Variants in HIVEP3 observed in about 807,000 individuals in gnomAD.
HIVEP3 encodes the protein transcription factor HIVEP3.
In HIVEP3, 49 loss-of-function variants were observed where a neutral mutation model predicts 152.8. The observed-to-expected ratio is 0.32, with a 90% confidence interval of 0.26 to 0.41. The LOEUF (loss-of-function observed/expected upper bound fraction) is 0.41. Among genes scored for constraint, HIVEP3 ranks in the 10% least tolerant of loss-of-function variants. The pLI, the probability that HIVEP3 is intolerant of heterozygous loss-of-function variation, is 1.00. For synonymous variants in HIVEP3, 1,269 were observed against 1,289.0 expected (o/e 0.98, Z 0.33); for missense variants, 2,790 against 3,103.3 (o/e 0.90, Z 2.40).
intron 1 of HIVEP3, among the ~76,000 whole-genome samples, chr1:41,755,703 C>A (rs1647277545): frequency 6.6e-6 from 1 of 151,274 alleles, no homozygotes; most frequent in Non-Finnish European, 1.5e-5. Flanking sequence ...ATACAGATGG[C>A]AAATAAGCAC....
chr1:41,897,479 G>T (rs777757186), intron 1 of HIVEP3, among the ~76,000 whole-genome samples: 6 of 152,116 alleles, frequency 3.9e-5, no homozygotes, highest in Non-Finnish European at 7.4e-5. Context: ...CTGAGGACAC[G>T]TAGAAGGCAT....
chr1:41,889,067 CCACACACACCA>C (rs1489882061), intron 1 of HIVEP3, among the ~76,000 whole-genome samples: 1 of 148,848 alleles, frequency 6.7e-6, no homozygotes, highest in African/African-American at 2.5e-5. Flanking sequence ...AACACATACA[CCACACACACCA>C]CACATACGCC....
intron 5 of HIVEP3, among the ~76,000 whole-genome samples, chr1:41,557,698 C>T (rs1643989550): frequency 6.6e-6 from 1 of 152,122 alleles, no homozygotes; most frequent in African/African-American, 2.4e-5. Context: ...AGGGGCAGCC[C>T]CAGAGGGCTT....
At chr1:41,791,531 G>A (rs988498453) in intron 1 of HIVEP3, among the ~76,000 whole-genome samples, 1 of 152,170 alleles carries the variant, frequency 6.6e-6, no homozygotes, top group Non-Finnish European at 1.5e-5. Context: ...TGCTCCAGCA[G>A]CCATCTTAGA....
intron 1 of HIVEP3, among the ~76,000 whole-genome samples, chr1:41,711,939 G>C (rs1646520057): frequency 6.6e-6 from 1 of 152,238 alleles, no homozygotes; most frequent in Non-Finnish European, 1.5e-5. Flanking sequence ...ATGCATTGGG[G>C]TGGCAAACAG....
chr1:41,940,415 A>G, intron 1 of HIVEP3, among the ~76,000 whole-genome samples: 1 of 152,224 alleles, frequency 6.6e-6, no homozygotes, highest in Non-Finnish European at 1.5e-5. Flanking sequence ...TTTGAATTTC[A>G]GATTTTCAAG....
rs74993153 is a variant in HIVEP3, at chr1:41,712,527, C to T, written c.-800-11532G>A. ...GGGACACTGGGCACCTGTGGCTGGC[C>T]GATGGTTTAGGCAGATGGTCAGGGC... is the stretch of plus-strand genomic sequence containing the variant. On this transcript the variant is annotated intron_variant, in intron 1 of 8. Coordinates refer to ENST00000372583, the MANE Select transcript of HIVEP3 (RefSeq NM_024503.5). Among the ~76,000 whole-genome samples, 3,231 of 152,232 alleles carry T rather than the reference C, an allele frequency of 0.021. 171 individuals carry two copies. In the East Asian group the frequency reaches 0.22, roughly 10 times the overall value.
In HIVEP3 at chr1:41,517,636, C is replaced by T. The variant is rs921151831; in HGVS notation, c.5470+766G>A. Among the ~76,000 whole-genome samples, 4 of 152,150 alleles carry T rather than the reference C, an allele frequency of 2.6e-5. No individual in the cohort carries two copies. In the South Asian group the frequency reaches 6.2e-4, roughly 24 times the overall value. Reference sequence around the variant, plus strand: ...TGCTTCCTGCTTTGCTTGGTGCTGGCGAGATGGCTCCAGCCTCCTTCTGTT... The same window carrying T: ...TGCTTCCTGCTTTGCTTGGTGCTGGTGAGATGGCTCCAGCCTCCTTCTGTT... On this transcript the variant is annotated intron_variant, in intron 7 of 8. Coordinates refer to ENST00000372583, the MANE Select transcript of HIVEP3 (RefSeq NM_024503.5).
chr1:42,017,117 A>G (rs931814215), intron 1 of HIVEP3, among the ~76,000 whole-genome samples: 26 of 152,112 alleles, frequency 1.7e-4, no homozygotes, highest in African/African-American at 6.3e-4. Flanking sequence ...TATTTTCCTC[A>G]TGTTGATATT....
intron 2 of HIVEP3, among the ~76,000 whole-genome samples, chr1:41,650,165 G>A (rs1645525584): frequency 6.6e-6 from 1 of 152,148 alleles, no homozygotes; most frequent in Admixed American, 6.5e-5. Flanking sequence ...ACCCGGTTAA[G>A]GATGGCAGCT....
chr1:41,667,215 C>T (rs866262338), intron 2 of HIVEP3, among the ~76,000 whole-genome samples: 25 of 152,254 alleles, frequency 1.6e-4, no homozygotes, highest in African/African-American at 5.1e-4. Flanking sequence ...CTAGGAATGT[C>T]ACAGATATTC....
Position 41,584,814 on chromosome 1 carries a change from T to C in HIVEP3, c.-17A>G, listed in dbSNP as rs1335555487. On this transcript the variant is annotated 5_prime_UTR_variant, in exon 4 of 9. Transcript: ENST00000372583. The surrounding 1 kb of genome is among the most constrained non-coding windows in gnomAD (Gnocchi z 5.2). The stretch of plus-strand genomic sequence containing the variant: ...AGGATCCATGACCTTCACAAAGACT[T>C]CAGATGCTATTCAGGGAGAGTCAGG... The C allele has an allele frequency of 2.0e-6, 3 of 1,495,666 alleles. No homozygotes were observed. In the East Asian group the frequency reaches 6.9e-5, roughly 35 times the overall value. 92.6% of individuals were successfully genotyped at this position (1,495,666 alleles called of 1,614,324 possible).
chr1:41,607,513 A>C (rs2149129694), intron 3 of HIVEP3, among the ~76,000 whole-genome samples: 1 of 151,972 alleles, frequency 6.6e-6, no homozygotes, highest in East Asian at 1.9e-4. Flanking sequence ...AGAACCTCTT[A>C]CTTACTGTTA....
intron 3 of HIVEP3, among the ~76,000 whole-genome samples, chr1:41,619,737 G>T (rs1438253528): frequency 6.6e-6 from 1 of 152,176 alleles, no homozygotes; most frequent in Non-Finnish European, 1.5e-5. Flanking sequence ...TCAGCTGGGA[G>T]GCTGTCCGAA....
intron 5 of HIVEP3, among the ~76,000 whole-genome samples, chr1:41,572,883 T>A (rs949898271): frequency 6.6e-6 from 1 of 152,370 alleles, no homozygotes; most frequent in Middle Eastern, 3.4e-3. Context: ...TTAAACCAAT[T>A]TGAATAGTCA....
intron 1 of HIVEP3, among the ~76,000 whole-genome samples, chr1:41,904,187 G>A (rs569609696): frequency 8.5e-5 from 13 of 152,140 alleles, no homozygotes; most frequent in Admixed American, 4.6e-4. Context: ...CTGAGCCACC[G>A]TGCCTGGTCC....
rs557803393 is a variant in HIVEP3 at position 41,791,604 on chromosome 1, G to A, written c.-800-90609C>T. ...GATGGAGAGGCCAAAGAGAGAAGTT[G>A]CCTGGGAATGCTGATATTGTGGTGC... On this transcript the variant is annotated intron_variant, in intron 1 of 8. Transcript: ENST00000372583. Among the ~76,000 whole-genome samples, 933 of 93,480 alleles carry A rather than the reference G, an allele frequency of 1.0e-2. 13 individuals carry two copies. Among genetic ancestry groups the A allele is most frequent in the African/African-American group, 0.055 (879 of 16,056 alleles). 61.3% of individuals were successfully genotyped at this position (93,480 alleles called of 152,430 possible). A position where few individuals can be genotyped will look rare whatever the true frequency, so the allele number is the denominator to read the frequency against.
chr1:41,781,834 T>G (rs1040098530), intron 1 of HIVEP3, among the ~76,000 whole-genome samples: 2 of 152,244 alleles, frequency 1.3e-5, no homozygotes, highest in African/African-American at 4.8e-5. Context: ...CATGTCCTTC[T>G]GTCACTTGTC....
intron 5 of HIVEP3, among the ~76,000 whole-genome samples, chr1:41,551,353 T>C (rs906753667): frequency 6.6e-6 from 1 of 151,982 alleles, no homozygotes. Context: ...TTTTGTTGTG[T>C]CTCTTCCAGG....
Sources: gnomAD v4.1 joint callset for allele counts (sites outside exome capture counted in the v4.1 genomes callset) on GRCh38, gnomAD v4.1.1 for gene constraint, Gnocchi (gnomAD v3.1) non-coding constraint, MANE v1.5 for transcripts, NCBI Gene and HGNC (gene_info 2026-07-23, HGNC 2026-07-21) for gene names.